Variants in MTHFD1L observed in about 807,000 individuals in gnomAD.
MTHFD1L encodes the protein monofunctional C1-tetrahydrofolate synthase, mitochondrial.
In MTHFD1L, 81 loss-of-function variants were observed where a neutral mutation model predicts 119.5. The ratio of observed to expected loss-of-function variants is 0.68; its 90% CI spans 0.57 to 0.82. The LOEUF (loss-of-function observed/expected upper bound fraction) is 0.82. MTHFD1L is among the 40% of genes least tolerant of loss of function. MTHFD1L has a pLI of 0.00. For synonymous variants in MTHFD1L, 430 were observed against 475.2 expected, an observed-to-expected ratio of 0.90 and a Z score of 1.24; for missense variants, 1,125 against 1,253.4, an observed-to-expected ratio of 0.90 and a Z score of 1.55.
Position 151,017,327 on chromosome 6 carries a change from T to C in MTHFD1L, c.2586+1634T>C, listed in dbSNP as rs1783236968. 1.3e-5 allele frequency among the ~76,000 whole-genome samples: 2 copies of C among 151,680 alleles called. 1 individual carries two copies. The highest frequency in any genetic ancestry group is 4.8e-5 in the African/African-American group (2 of 41,282). On this transcript the variant is annotated intron_variant, in intron 24 of 27. Transcript: ENST00000367321. ...TCACTTAGCATAATGTGCGTGCATG[T>C]TGTAGAGTGTCAGAATTTCCCTTCT... is the stretch of plus-strand genomic sequence containing the variant.
Position 151,043,258 on chromosome 6 carries a change from C to CTTTTTT in MTHFD1L, c.2847+6160_2847+6165dup, listed in dbSNP as rs1170553631. On this transcript the variant is annotated intron_variant, in intron 26 of 27. Transcript: ENST00000367321. ...CTTCTTTCTTCTCACAGTGTTTTCTCTTTTTTTTTTTTTTTTTTTTTTTTG... is the reference window on the plus strand; with the variant it reads ...CTTCTTTCTTCTCACAGTGTTTTCTCTTTTTTTTTTTTTTTTTTTTTTTTTTTTTTG... 6.1e-4 allele frequency among the ~76,000 whole-genome samples: 48 copies of CTTTTTT among 78,880 alleles called. 3 individuals carry two copies. The highest frequency in any genetic ancestry group is 1.5e-3 in the African/African-American group (32 of 20,656). 51.7% of individuals were successfully genotyped at this position (78,880 alleles called of 152,430 possible).
chr6:150,956,099 G>T (rs1266159974), intron 17 of MTHFD1L, 28 bp downstream of exon 17: 1 of 1,597,782 alleles, frequency 6.3e-7, no homozygotes, highest in African/African-American at 1.3e-5. Flanking sequence ...CCCGGGTGTG[G>T]CTCTGTTCTT....
In MTHFD1L at chr6:151,009,914, G is replaced by T; in HGVS notation, c.2221G>T (p.Val741Leu). The stretch of plus-strand genomic sequence containing the variant: ...CTTGGTGCCCAACGTGGTTGTGTTA[G>T]TGGCAACGGTGCGAGCTCTGAAGAT... ...SGLVPNVVVLVATVRALKMHG... is the reference protein window; with the variant it reads ...SGLVPNVVVLLATVRALKMHG... The change falls in exon 21 of 28, where the codon GTG (valine) becomes TTG (leucine). Residue 741 changes from valine to leucine, a missense_variant. Physicochemically the swap from Val to Leu is conservative, Grantham distance 32. Around this residue, in one of 3 missense-constraint regions of MTHFD1L, gnomAD observed 1,058 missense variants for 1,151.2 expected, o/e 0.92. Coordinates refer to ENST00000367321, the MANE Select transcript of MTHFD1L (RefSeq NM_015440.5). 1 of 1,613,674 alleles carries T rather than the reference G, an allele frequency of 6.2e-7. No homozygotes were observed. The highest frequency in any genetic ancestry group is 8.5e-7 in the Non-Finnish European group (1 of 1,179,886).
At chr6:150,903,331 T>G (rs138737948) in intron 7 of MTHFD1L, among the ~76,000 whole-genome samples, 118 of 151,438 alleles carry the variant, frequency 7.8e-4, no homozygotes, top group African/African-American at 2.6e-3. Flanking sequence ...TGATTCTCAT[T>G]TGGCTGCAAA....
chr6:150,905,590 G>A (rs1178926088), intron 7 of MTHFD1L, 60 bp from the exon 8 acceptor site: 1 of 1,214,910 alleles, frequency 8.2e-7, no homozygotes, highest in Non-Finnish European at 1.2e-6. Context: ...GACATCAGTA[G>A]TTACTTGTGT....
intron 21 of MTHFD1L, among the ~76,000 whole-genome samples, chr6:151,012,011 AAC>A (rs1264644132): frequency 2.2e-5 from 2 of 91,544 alleles, no homozygotes; most frequent in Admixed American, 2.0e-4. Flanking sequence ...CAACAACAAC[AAC>A]AACAACAAAA....
intron 16 of MTHFD1L, among the ~76,000 whole-genome samples, chr6:150,951,044 GT>G (rs1051964478): frequency 2.5e-5 from 3 of 122,242 alleles, no homozygotes; most frequent in African/African-American, 6.7e-5. Context: ...TTTTTTTTTT[GT>G]TTTTTTTTTG....
intron 20 of MTHFD1L, among the ~76,000 whole-genome samples, chr6:151,008,368 T>C (rs1429371707): frequency 1.3e-5 from 2 of 152,238 alleles, no homozygotes; most frequent in Non-Finnish European, 2.9e-5. Context: ...TTCATAAACA[T>C]TTACTTTGTA....
intron 8 of MTHFD1L, among the ~76,000 whole-genome samples, chr6:150,911,981 G>C (rs533064884): frequency 6.6e-6 from 1 of 152,112 alleles, no homozygotes; most frequent in Non-Finnish European, 1.5e-5. Context: ...GATGAGATTT[G>C]GGTGGGGACA....
At chr6:151,034,802 A>T (rs1263456027) in intron 25 of MTHFD1L, among the ~76,000 whole-genome samples, 4 of 152,208 alleles carry the variant, frequency 2.6e-5, no homozygotes, top group Non-Finnish European at 2.9e-5. Flanking sequence ...CCTCTGATCC[A>T]TGCATCATTT....
chr6:151,038,433 A>G (rs1401196278), intron 26 of MTHFD1L, among the ~76,000 whole-genome samples: 2 of 151,940 alleles, frequency 1.3e-5, no homozygotes, highest in Non-Finnish European at 2.9e-5. Flanking sequence ...TGGGGATGGG[A>G]ATGGGAATGG....
chr6:151,050,626 T>G (rs571639049), intron 26 of MTHFD1L, among the ~76,000 whole-genome samples: 1 of 152,092 alleles, frequency 6.6e-6, no homozygotes, highest in Admixed American at 6.5e-5. Context: ...ACTGGTATGG[T>G]GGGGGGCACT....
intron 10 of MTHFD1L, among the ~76,000 whole-genome samples, chr6:150,923,545 T>TTTATTTA (rs1562387271): frequency 8.3e-5 from 2 of 24,032 alleles, no homozygotes; most frequent in African/African-American, 6.4e-4. Flanking sequence ...TTATTTTTTC[T>TTTATTTA]TTTTTTTTTT....
intron 1 of MTHFD1L, chr6:150,866,312 A>G (rs921469353): frequency 3.4e-5 from 50 of 1,466,114 alleles, no homozygotes; most frequent in Non-Finnish European, 4.2e-5. Flanking sequence ...GCCTAGCGGC[A>G]TGGACCGCAC....
intron 21 of MTHFD1L, among the ~76,000 whole-genome samples, chr6:151,012,913 A>G (rs1782513140): frequency 6.6e-6 from 1 of 152,110 alleles, no homozygotes; most frequent in Non-Finnish European, 1.5e-5. Flanking sequence ...GTTGTACTCA[A>G]AAAGGCCTTT....
intron 24 of MTHFD1L, among the ~76,000 whole-genome samples, chr6:151,015,942 G>C (rs1782986187): frequency 6.6e-6 from 1 of 152,046 alleles, no homozygotes. Flanking sequence ...CAAAAATTAG[G>C]TGGGCATGGT....
chr6:150,984,278 C>T (rs890939468), intron 20 of MTHFD1L, among the ~76,000 whole-genome samples: 3 of 152,080 alleles, frequency 2.0e-5, no homozygotes, highest in Non-Finnish European at 2.9e-5. Flanking sequence ...GAGGAACCTT[C>T]GCCTGTCAGG....
At chr6:150,988,741 G>T (rs1292495931) in intron 20 of MTHFD1L, among the ~76,000 whole-genome samples, 2 of 152,232 alleles carry the variant, frequency 1.3e-5, no homozygotes, top group East Asian at 3.8e-4. Flanking sequence ...CAAGTAGCTG[G>T]GATTACAGGC....
At chr6:151,009,513 G>A (rs1372267478) in intron 20 of MTHFD1L, among the ~76,000 whole-genome samples, 2 of 149,702 alleles carry the variant, frequency 1.3e-5, no homozygotes, top group East Asian at 1.9e-4. Flanking sequence ...CAGCCTGTGC[G>A]ACAGGGCAAG....
Sources: allele counts gnomAD v4.1 joint callset (sites outside exome capture counted in the v4.1 genomes callset), GRCh38; gene constraint gnomAD v4.1.1; regional missense constraint gnomAD v4.1.1; transcripts MANE v1.5; gene names NCBI Gene and HGNC (gene_info 2026-07-23, HGNC 2026-07-21).